BMPER: variants seen among roughly 807,000 people sequenced by gnomAD.
The protein encoded by BMPER is BMP binding endothelial regulator.
Under a neutral mutation model 87.3 loss-of-function variants are expected in BMPER, and 45 were observed. That is an observed-to-expected ratio of 0.52 (90% CI 0.41 to 0.66). The LOEUF (loss-of-function observed/expected upper bound fraction) is 0.66, where lower values mean the gene tolerates loss of function less well. Among genes scored for constraint, BMPER ranks in the 30% least tolerant of loss-of-function variants. The pLI, the probability that BMPER is intolerant of heterozygous loss-of-function variation, is 0.00. For synonymous variants in BMPER, 326 were observed against 316.2 expected (o/e 1.03, Z -0.33); for missense variants, 784 against 867.5 (o/e 0.90, Z 1.21).
chr7:33,964,548 G>A (rs1448456329), intron 3 of BMPER, among the ~76,000 whole-genome samples: 1 of 152,226 alleles, frequency 6.6e-6, no homozygotes, highest in Admixed American at 6.5e-5. Flanking sequence ...CCCACTGACA[G>A]TTATTTGAAG....
chr7:34,024,900 G>T (rs1355303663), intron 6 of BMPER, among the ~76,000 whole-genome samples: 2 of 152,026 alleles, frequency 1.3e-5, no homozygotes, highest in African/African-American at 4.8e-5. Flanking sequence ...TAATTCTGAT[G>T]CAGGTGCCCA....
intron 10 of BMPER, among the ~76,000 whole-genome samples, chr7:34,058,434 CTCTT>C (rs1255757578): frequency 6.6e-6 from 1 of 152,226 alleles, no homozygotes; most frequent in Non-Finnish European, 1.5e-5. Context: ...CCTGCAAGAT[CTCTT>C]TCTTTGTTTT....
In BMPER at chr7:34,143,299, T is replaced by C. The variant is rs1258953646; in HGVS notation, c.1815T>C (p.Tyr605=). The C allele has an allele frequency of 6.2e-7, 1 of 1,614,092 alleles. No individual in the cohort carries two copies. The highest frequency in any genetic ancestry group is 1.1e-5 in the South Asian group (1 of 91,078). Residue 605 remains tyrosine (Y), a synonymous_variant, in exon 14 of 15, where the codon TAT becomes TAC. Coordinates refer to ENST00000649409, the MANE Select transcript of BMPER (RefSeq NM_001365308.1). ...GTTATTGCGAGTCATTTTTGGCATA[T>C]ACCCGGGCCTGCCAGAGAGAGGGCA... is the stretch of plus-strand genomic sequence containing the variant. The part of the protein sequence containing the change: ...KNCYCESFLA[Y]TRACQREGIK...
intron 6 of BMPER, among the ~76,000 whole-genome samples, chr7:34,012,846 G>T (rs1471655165): frequency 6.6e-6 from 1 of 151,878 alleles, no homozygotes; most frequent in East Asian, 1.9e-4. Flanking sequence ...TAATTAAACA[G>T]TTGTCTTCAA....
At chr7:34,077,027 C>T (rs2127973020) in intron 11 of BMPER, among the ~76,000 whole-genome samples, 1 of 152,304 alleles carries the variant, frequency 6.6e-6, no homozygotes, top group African/African-American at 2.4e-5. Context: ...CATCAGGTTA[C>T]TATGTAGTCC....
intron 13 of BMPER, among the ~76,000 whole-genome samples, chr7:34,096,620 G>A (rs1789538486): frequency 1.3e-5 from 2 of 152,100 alleles, no homozygotes; most frequent in Non-Finnish European, 2.9e-5. Context: ...GGAGCAGCAG[G>A]GTTGCTGCAC....
chr7:34,129,577 GGAGAGA>G (rs759886152), intron 13 of BMPER, among the ~76,000 whole-genome samples: 5,088 of 46,828 alleles, frequency 0.11, 333 homozygotes, highest in East Asian at 0.13. Context: ...AAGGAAGGAA[GGAGAGA>G]GAGAGAGAGA....
chr7:34,153,460 T>C lies in BMPER; in HGVS notation c.*187T>C, dbSNP rs575676429. ...TTTATATGAACTATAGGGGGATTAT[T>C]ATATGTATATTTTTTGCTATAAGAC... On this transcript the variant is annotated 3_prime_UTR_variant, in exon 15 of 15. Coordinates refer to ENST00000649409, the MANE Select transcript of BMPER (RefSeq NM_001365308.1). 26 of 629,164 alleles carry C rather than the reference T, an allele frequency of 4.1e-5. No homozygotes were observed. In the South Asian group the frequency reaches 5.2e-4, roughly 13 times the overall value. The allele number at this position is 629,164 out of a possible 1,614,324, so 39.0% of individuals were successfully genotyped here.
intron 11 of BMPER, among the ~76,000 whole-genome samples, chr7:34,075,212 A>G (rs1159534208): frequency 1.3e-5 from 2 of 152,204 alleles, no homozygotes; most frequent in African/African-American, 2.4e-5. Flanking sequence ...TTCTCATAGC[A>G]ATCTTATTAA....
At chr7:33,990,329 A>G (rs373875121) in intron 6 of BMPER, among the ~76,000 whole-genome samples, 22,662 of 123,418 alleles carry the variant, frequency 0.18, 2,148 homozygotes, top group African/African-American at 0.26. Context: ...GAGGTCCTTC[A>G]CATCCCTTGT....
chr7:34,067,932 C>G (rs1400852264), intron 11 of BMPER, among the ~76,000 whole-genome samples: 1 of 152,216 alleles, frequency 6.6e-6, no homozygotes, highest in Non-Finnish European at 1.5e-5. Flanking sequence ...ATCACCTTTT[C>G]TCTACCACCT....
In BMPER at chr7:34,120,801, T is replaced by C. The variant is rs550923554; in HGVS notation, c.1746-22429T>C. Among the ~76,000 whole-genome samples, 139 of 152,278 alleles carry C rather than the reference T, an allele frequency of 9.1e-4. 1 individual carries two copies. Among genetic ancestry groups the C allele is most frequent in the African/African-American group, 3.2e-3 (132 of 41,564 alleles). On this transcript the variant is annotated intron_variant, in intron 13 of 14. Transcript: ENST00000649409. Reference sequence around the variant, plus strand: ...AATATTATACACTGATTAAAGTGAATGAACTAGATATACTGATATGAATGT... The same window carrying C: ...AATATTATACACTGATTAAAGTGAACGAACTAGATATACTGATATGAATGT...
intron 6 of BMPER, among the ~76,000 whole-genome samples, chr7:33,997,431 C>T (rs1025907506): frequency 6.6e-6 from 1 of 152,116 alleles, no homozygotes; most frequent in Non-Finnish European, 1.5e-5. Flanking sequence ...ATGATATTCT[C>T]GTGATAGTGA....
chr7:34,114,766 G>A (rs1026437808), intron 13 of BMPER, among the ~76,000 whole-genome samples: 2 of 152,216 alleles, frequency 1.3e-5, no homozygotes, highest in African/African-American at 2.4e-5. Context: ...CAAATCAGGA[G>A]AGGGCAGTGC....
intron 6 of BMPER, among the ~76,000 whole-genome samples, chr7:34,014,732 G>A (rs1406514464): frequency 2.0e-5 from 3 of 151,938 alleles, no homozygotes; most frequent in Non-Finnish European, 2.9e-5. Flanking sequence ...ACCTTGGAAA[G>A]CCTTCATAAA....
At position 34,009,293 on chromosome 7, in the gene BMPER, A is replaced by G. The variant is rs151049850; in HGVS notation, c.576+34509A>G. On this transcript the variant is annotated intron_variant, in intron 6 of 14. Transcript: ENST00000649409. ...TTATTATACTTTTTCTTGATTGCAT[A>G]TTAGAATGTTCTGAGATTAGACCTT... Among the ~76,000 whole-genome samples the G allele has an allele frequency of 3.1e-3, 468 of 152,070 alleles. 2 individuals carry two copies. The highest frequency in any genetic ancestry group is 0.01 in the African/African-American group (433 of 41,528).
At chr7:34,146,035 A>C (rs1321114658) in intron 14 of BMPER, among the ~76,000 whole-genome samples, 1 of 152,106 alleles carries the variant, frequency 6.6e-6, no homozygotes, top group African/African-American at 2.4e-5. Context: ...TCTCTCTCTC[A>C]CATATACACA....
intron 6 of BMPER, among the ~76,000 whole-genome samples, chr7:34,034,059 G>A (rs969742971): frequency 2.0e-5 from 3 of 152,080 alleles, no homozygotes; most frequent in Non-Finnish European, 4.4e-5. Flanking sequence ...CGGAGCTGTG[G>A]TCCACTCAGA....
chr7:34,017,743 G>C (rs567840875), intron 6 of BMPER, among the ~76,000 whole-genome samples: 2 of 151,240 alleles, frequency 1.3e-5, no homozygotes, highest in South Asian at 4.2e-4. Flanking sequence ...CAGGGTGTAA[G>C]AATCTACACT....
Sources: gnomAD v4.1 joint callset for allele counts (sites outside exome capture counted in the v4.1 genomes callset) on GRCh38, gnomAD v4.1.1 for gene constraint, MANE v1.5 for transcripts, NCBI Gene and HGNC (gene_info 2026-07-23, HGNC 2026-07-21) for gene names.